The following CCDC178 variants were observed in gnomAD, a reference collection of about 807,000 sequenced individuals.
CCDC178 encodes coiled-coil domain-containing protein 178.
A neutral mutation model predicts 117.4 loss-of-function variants in CCDC178; 126 were observed. The ratio of observed to expected loss-of-function variants is 1.07; its 90% CI spans 0.93 to 1.24. The LOEUF (loss-of-function observed/expected upper bound fraction) is 1.24, where lower values mean the gene tolerates loss of function less well. Ranked by LOEUF, CCDC178 falls within the 50% of genes most tolerant of loss-of-function variation. The probability of loss-of-function intolerance (pLI) is 0.00; values close to 1 mark genes in which losing one functional copy is unlikely to be tolerated. For synonymous variants in CCDC178, 283 were observed against 313.4 expected (o/e 0.90, Z 1.02); for missense variants, 1,030 against 986.9 (o/e 1.04, Z -0.59).
At chr18:33,100,937 C>T (rs1228482897) in intron 20 of CCDC178, among the ~76,000 whole-genome samples, 1 of 151,884 alleles carries the variant, frequency 6.6e-6, no homozygotes, top group Non-Finnish European at 1.5e-5. Context: ...AAATCGGTTT[C>T]ACCTAATCTA....
At chr18:33,232,586 C>A (rs998514710) in intron 15 of CCDC178, among the ~76,000 whole-genome samples, 30 of 152,144 alleles carry the variant, frequency 2.0e-4, no homozygotes, top group Non-Finnish European at 4.1e-4. Context: ...TATTAGGAAA[C>A]ATTTTGGTGG....
At chr18:33,279,017 T>C (rs2059988596) in intron 12 of CCDC178, among the ~76,000 whole-genome samples, 2 of 152,046 alleles carry the variant, frequency 1.3e-5, no homozygotes, top group South Asian at 4.1e-4. Flanking sequence ...GGGCAAAAAC[T>C]GGAAGCATTC....
intron 14 of CCDC178, among the ~76,000 whole-genome samples, chr18:33,250,296 G>A (rs1048106486): frequency 6.6e-6 from 1 of 151,714 alleles, no homozygotes; most frequent in South Asian, 2.1e-4. Context: ...TATGTGTAAT[G>A]CTCAGGAGGA....
At chr18:33,266,489 G>C (rs143836106) in intron 14 of CCDC178, among the ~76,000 whole-genome samples, 1 of 151,608 alleles carries the variant, frequency 6.6e-6, no homozygotes, top group Non-Finnish European at 1.5e-5. Flanking sequence ...AAAGAGGTAA[G>C]ATAAGGCTGT....
intron 22 of CCDC178, among the ~76,000 whole-genome samples, chr18:32,961,842 C>G (rs2054710827): frequency 6.6e-6 from 1 of 152,068 alleles, no homozygotes; most frequent in African/African-American, 2.4e-5. Context: ...TGTCTGCAGC[C>G]TGGGGGTTGA....
intron 21 of CCDC178, among the ~76,000 whole-genome samples, chr18:33,048,281 T>G (rs2056682398): frequency 6.6e-6 from 1 of 152,192 alleles, no homozygotes; most frequent in African/African-American, 2.4e-5. Context: ...CGTGCCAGTT[T>G]CTGGTACATT....
At chr18:33,018,353 C>T (rs2056039853) in intron 21 of CCDC178, among the ~76,000 whole-genome samples, 1 of 151,996 alleles carries the variant, frequency 6.6e-6, no homozygotes, top group African/African-American at 2.4e-5. Flanking sequence ...GGAAAACATT[C>T]TGGCAGCTCC....
At chr18:33,224,581 G>T (rs1202328791) in intron 17 of CCDC178, among the ~76,000 whole-genome samples, 194 bp downstream of exon 17, 1 of 152,122 alleles carries the variant, frequency 6.6e-6, no homozygotes, top group Non-Finnish European at 1.5e-5. Flanking sequence ...CTAAGACTAT[G>T]GGGTTCTAGA....
intron 4 of CCDC178, among the ~76,000 whole-genome samples, chr18:33,392,170 T>C (rs1459478182): frequency 6.6e-6 from 1 of 152,138 alleles, no homozygotes; most frequent in Middle Eastern, 3.4e-3. Context: ...TGGCCAGAAA[T>C]AAATAATTCT....
intron 2 of CCDC178, among the ~76,000 whole-genome samples, chr18:33,415,564 T>A (rs1300227378): frequency 7.3e-6 from 1 of 137,336 alleles, no homozygotes; most frequent in Non-Finnish European, 1.6e-5. Flanking sequence ...GGTGGGGGGA[T>A]GGGGGATAGC....
chr18:33,357,529 T>C (rs977862430), intron 6 of CCDC178, among the ~76,000 whole-genome samples: 1 of 152,160 alleles, frequency 6.6e-6, no homozygotes, highest in Non-Finnish European at 1.5e-5. Flanking sequence ...TGAATTGTAA[T>C]GTGTTACCAA....
chr18:33,414,626 G>C (rs2063907038), intron 2 of CCDC178, among the ~76,000 whole-genome samples: 2 of 152,170 alleles, frequency 1.3e-5, no homozygotes, highest in South Asian at 4.2e-4. Flanking sequence ...TTACCATTCA[G>C]GACATAGGCA....
intron 2 of CCDC178, among the ~76,000 whole-genome samples, chr18:33,436,349 A>C (rs1054252134): frequency 6.6e-6 from 1 of 152,198 alleles, no homozygotes; most frequent in African/African-American, 2.4e-5. Flanking sequence ...GGACAGCAAG[A>C]ATGAGGATGA....
chr18:33,250,943 C>CA (rs2059613404), intron 14 of CCDC178, among the ~76,000 whole-genome samples: 1 of 151,266 alleles, frequency 6.6e-6, no homozygotes, highest in Admixed American at 6.6e-5. Flanking sequence ...AAATTATATC[C>CA]AAAATGTCAT....
rs533943761 is a variant in CCDC178, at chr18:33,047,896, T to A, written c.2388+44865A>T. Among the ~76,000 whole-genome samples the A allele has an allele frequency of 5.3e-5, 8 of 152,308 alleles. 1 individual carries two copies. In the South Asian group the frequency reaches 1.7e-3, roughly 32 times the overall value. ...ACTTTTACCCTCTAAACATAAAAGA[T>A]CAACTTGGAAGGTCAAAGTTTGTAA... On this transcript the variant is annotated intron_variant, in intron 21 of 22. Coordinates refer to ENST00000383096, the MANE Select transcript of CCDC178 (RefSeq NM_001105528.4).
chr18:33,187,910 AT>A (rs902776850), intron 20 of CCDC178, among the ~76,000 whole-genome samples: 3 of 152,266 alleles, frequency 2.0e-5, no homozygotes, highest in Admixed American at 2.0e-4. Flanking sequence ...ACCATGTGAA[AT>A]CTACTTAACA....
intron 3 of CCDC178, among the ~76,000 whole-genome samples, chr18:33,406,487 T>C (rs1829643513): frequency 6.6e-6 from 1 of 151,898 alleles, no homozygotes; most frequent in African/African-American, 2.4e-5. Flanking sequence ...ATGCACCTAA[T>C]TACATGGGAC....
chr18:33,124,303 A>G lies in CCDC178; in HGVS notation c.2239-31393T>C, dbSNP rs1288369802. Among the ~76,000 whole-genome samples, 90 of 152,184 alleles carry G rather than the reference A, an allele frequency of 5.9e-4. 1 individual carries two copies. Among genetic ancestry groups the G allele is most frequent in the Admixed American group, 5.9e-3 (90 of 15,258 alleles). ...GGAACAACAGTTCAGCACTTGTCTC[A>G]TCGATAACAAATGTTGGTCTCATGG... is the stretch of plus-strand genomic sequence containing the variant. On this transcript the variant is annotated intron_variant, in intron 20 of 22. Transcript: ENST00000383096.
chr18:33,222,124 A>C (rs1038937975), intron 18 of CCDC178, among the ~76,000 whole-genome samples: 3 of 152,164 alleles, frequency 2.0e-5, no homozygotes, highest in Non-Finnish European at 4.4e-5. Context: ...GGGGTAAAAC[A>C]GTAGACATAT....
Sources: allele counts gnomAD v4.1 joint callset (sites outside exome capture counted in the v4.1 genomes callset), GRCh38; gene constraint gnomAD v4.1.1; transcripts MANE v1.5; gene names NCBI Gene and HGNC (gene_info 2026-07-23, HGNC 2026-07-21).